CPS1: variants seen among roughly 807,000 people sequenced by gnomAD.
The protein encoded by CPS1 is carbamoyl-phosphate synthase 1.
In CPS1, 109 loss-of-function variants were observed where a neutral mutation model predicts 174.6. The observed-to-expected ratio is 0.62, with a 90% CI of 0.53 to 0.73. The LOEUF (loss-of-function observed/expected upper bound fraction) is 0.73. CPS1 is among the 30% of genes least tolerant of loss of function. CPS1 has a pLI of 0.00. For synonymous variants in CPS1, 637 were observed against 632.0 expected (o/e 1.01, Z -0.12); for missense variants, 1,689 against 1,821.9 (o/e 0.93, Z 1.33).
rs191423915 is a variant in CPS1 at position 210,667,323 on chromosome 2, T to G, written c.4003-863T>G. On this transcript the variant is annotated intron_variant, in intron 33 of 37. Transcript: ENST00000233072. ...TCCTAACTGAATACTCTTTATTTCC[T>G]TCTCCTGCCTAATTGCCCTGTATTT... is the stretch of plus-strand genomic sequence containing the variant. 6.7e-3 allele frequency among the ~76,000 whole-genome samples: 1,027 copies of G among 152,296 alleles called. 10 individuals carry two copies. The highest frequency in any genetic ancestry group is 0.014 in the Middle Eastern group (4 of 294).
At chr2:210,615,414 T>C (rs1419700481) in intron 20 of CPS1, among the ~76,000 whole-genome samples, 4 of 152,000 alleles carry the variant, frequency 2.6e-5, no homozygotes, top group African/African-American at 9.7e-5. Context: ...ATTATAATCA[T>C]GGTCTCTCTG....
At chr2:210,614,847 G>A (rs1699249134) in intron 20 of CPS1, among the ~76,000 whole-genome samples, 2 of 151,420 alleles carry the variant, frequency 1.3e-5, no homozygotes, top group Non-Finnish European at 3.0e-5. Context: ...GAACATATGA[G>A]CACAGGGAGG....
intron 19 of CPS1, 96 bp downstream of exon 19, chr2:210,608,655 C>T (rs1699009547): frequency 8.7e-7 from 1 of 1,153,714 alleles, no homozygotes; most frequent in Admixed American, 1.7e-5. Context: ...TGGATACCAT[C>T]AACACATGGA....
At chr2:210,510,357 C>T (rs1323145573) in intron 1 of CPS1, among the ~76,000 whole-genome samples, 1 of 152,140 alleles carries the variant, frequency 6.6e-6, no homozygotes, top group Admixed American at 6.5e-5. Flanking sequence ...CCCTTCCTTA[C>T]ACCTTATACA....
At chr2:210,542,451 C>A (rs1696457957) in intron 1 of CPS1, among the ~76,000 whole-genome samples, 1 of 152,066 alleles carries the variant, frequency 6.6e-6, no homozygotes, top group Admixed American at 6.6e-5. Context: ...GGGTTATGCT[C>A]CCATTTTCAC....
At chr2:210,477,848 A>G (rs1208571331) in intron 1 of CPS1, 2 of 1,467,764 alleles carry the variant, frequency 1.4e-6, no homozygotes, top group Non-Finnish European at 1.9e-6. Flanking sequence ...AAGGAAAACG[A>G]GAGACATTTT....
intron 1 of CPS1, among the ~76,000 whole-genome samples, chr2:210,538,227 A>G (rs1253586855): frequency 6.6e-6 from 1 of 152,164 alleles, no homozygotes; most frequent in Admixed American, 6.5e-5. Flanking sequence ...AAGTTTTAAA[A>G]GCCATTATAA....
At chr2:210,556,406 T>A (rs1473111496), upstream of CPS1, 1 of 520,008 alleles carries the variant, frequency 1.9e-6, no homozygotes, top group African/African-American at 1.9e-5. Context: ...TTCAGCTGCA[T>A]AAACAATTCC....
Position 210,668,395 on chromosome 2 carries a change from C to T in CPS1, c.4101+111C>T, listed in dbSNP as rs139472203. The T allele has an allele frequency of 3.5e-4, 287 of 814,508 alleles. 2 individuals are homozygous for T. The Middle Eastern group carries it at 9.5e-3, about 27-fold the overall frequency. 50.5% of individuals were successfully genotyped at this position (814,508 alleles called of 1,614,324 possible). On this transcript the variant is annotated intron_variant, in intron 34 of 37. Coordinates refer to ENST00000233072, the MANE Select transcript of CPS1 (RefSeq NM_001875.5). ...GGAAGGGAGATTTGTTTTACGTTTC[C>T]GTTTATGGCAACTTCCAGGAAGAAG... is the stretch of plus-strand genomic sequence containing the variant.
chr2:210,675,007 T>C (rs1701475841), intron 35 of CPS1, 46 bp downstream of exon 35: 1 of 1,436,828 alleles, frequency 7.0e-7, no homozygotes, highest in Non-Finnish European at 9.8e-7. Flanking sequence ...ATGGAATCTG[T>C]CCACAAATCA....
chr2:210,558,867 T>C (rs1697008695), intron 1 of CPS1, among the ~76,000 whole-genome samples: 2 of 152,036 alleles, frequency 1.3e-5, no homozygotes, highest in Admixed American at 6.6e-5. Context: ...CAGCTAAGAA[T>C]GACAAATTTG....
chr2:210,497,792 A>G (rs555303258), intron 1 of CPS1, among the ~76,000 whole-genome samples: 1 of 151,128 alleles, frequency 6.6e-6, no homozygotes, highest in Non-Finnish European at 1.5e-5. Flanking sequence ...CCAATCTACC[A>G]TTAAAGGCAC....
In CPS1 at chr2:210,592,956, G is replaced by C. The variant is rs1698359822; in HGVS notation, c.1164G>C (p.Glu388Asp). 6.2e-7 allele frequency: 1 copy of C among 1,611,518 alleles called. No individual in the cohort carries two copies. Reference protein sequence around the residue: ...PEVTPGPIDTEYLFDSFFSLI... With the variant: ...PEVTPGPIDTDYLFDSFFSLI... ...TCACCCCGGGGCCAATAGACACTGAGGTACGTCAAAAAGATGAGGCCTATT... is the reference window on the plus strand; with the variant it reads ...TCACCCCGGGGCCAATAGACACTGACGTACGTCAAAAAGATGAGGCCTATT... Residue 388 changes from glutamate (E) to aspartate (D), a missense_variant and splice_region_variant, in exon 11 of 38, where the codon GAG (glutamate) becomes GAC (aspartate). Physicochemically the swap from Glu to Asp is conservative, Grantham distance 45. Transcript: ENST00000233072.
chr2:210,612,585 C>T lies in CPS1; in HGVS notation c.2568+292C>T, dbSNP rs539776567. ...TCCCCCTTTTTAAGTATACTTAGTA[C>T]TAATACTCAAGTAGATTTGACTATA... On this transcript the variant is annotated intron_variant, in intron 20 of 37. Coordinates refer to ENST00000233072, the MANE Select transcript of CPS1 (RefSeq NM_001875.5). 3.2e-3 allele frequency among the ~76,000 whole-genome samples: 485 copies of T among 151,860 alleles called. 2 individuals carry two copies. The highest frequency in any genetic ancestry group is 0.011 in the African/African-American group (439 of 41,392).
intron 1 of CPS1, among the ~76,000 whole-genome samples, chr2:210,542,123 CT>C (rs1696449015): frequency 1.3e-5 from 2 of 152,078 alleles, no homozygotes; most frequent in African/African-American, 4.8e-5. Context: ...ATAATCATTC[CT>C]TTCAAGATAA....
chr2:210,523,832 C>T (rs546053926), intron 1 of CPS1, among the ~76,000 whole-genome samples: 5 of 152,018 alleles, frequency 3.3e-5, no homozygotes, highest in South Asian at 2.1e-4. Context: ...AAAAGATTGA[C>T]GTTTCTTTGA....
In CPS1 at chr2:210,529,518, C is replaced by A. The variant is rs138404781; in HGVS notation, c.4-27201C>A. Among the ~76,000 whole-genome samples, 223 of 152,106 alleles carry A rather than the reference C, an allele frequency of 1.5e-3. 1 individual carries two copies. The Middle Eastern group carries it at 0.041, about 28-fold the overall frequency. ...TGTTGGACTCTTTGCATTACAGTTG[C>A]TTAAGCCATAACATTAGCATCTTGA... On this transcript the variant is annotated intron_variant, in intron 1 of 38. Transcript: ENST00000430249.
At chr2:210,621,348 CT>C (rs1174896261) in intron 21 of CPS1, among the ~76,000 whole-genome samples, 1 of 152,136 alleles carries the variant, frequency 6.6e-6, no homozygotes, top group Non-Finnish European at 1.5e-5. Flanking sequence ...CACCAAAGGT[CT>C]TTTAACTTCA....
intron 21 of CPS1, among the ~76,000 whole-genome samples, chr2:210,625,980 A>G (rs1011773486): frequency 3.3e-5 from 5 of 152,172 alleles, no homozygotes; most frequent in African/African-American, 9.6e-5. Context: ...TTGACGCCAC[A>G]CAGTCTTACT....
Sources: allele counts gnomAD v4.1 joint callset (sites outside exome capture counted in the v4.1 genomes callset), GRCh38; gene constraint gnomAD v4.1.1; transcripts MANE v1.5; gene names NCBI Gene and HGNC (gene_info 2026-07-23, HGNC 2026-07-21).